The following CD81 variants were observed in gnomAD, a reference collection of about 807,000 sequenced individuals.
The protein encoded by CD81 is CD81 antigen.
CD81 carries 10 observed loss-of-function variants against 30.1 expected under a neutral mutation model. The ratio of observed to expected loss-of-function variants is 0.33; its 90% CI spans 0.21 to 0.56. The LOEUF (loss-of-function observed/expected upper bound fraction) is 0.56, where lower values mean the gene tolerates loss of function less well. Ranked by LOEUF, CD81 falls within the 20% of genes least tolerant of loss-of-function variation. The probability of loss-of-function intolerance (pLI) is 0.89; values close to 1 mark genes in which losing one functional copy is unlikely to be tolerated. For synonymous variants in CD81, 147 were observed against 126.4 expected (o/e 1.16, Z -1.10); for missense variants, 263 against 308.7 (o/e 0.85, Z 1.11).
chr11:2,386,037 C>T (rs375126210), intron 1 of CD81: 11 of 717,068 alleles, frequency 1.5e-5, no homozygotes, highest in Middle Eastern at 2.3e-4. Flanking sequence ...CCGTTGTATG[C>T]GTCCCAGTTG....
intron 3 of CD81, chr11:2,394,764 A>C: frequency 1.6e-6 from 1 of 641,386 alleles, no homozygotes; most frequent in Non-Finnish European, 2.8e-6. Context: ...GCGTGGGGAC[A>C]TCCTGGGCTT....
At chr11:2,385,001 C>T (rs1418026012) in intron 1 of CD81, among the ~76,000 whole-genome samples, 1 of 152,054 alleles carries the variant, frequency 6.6e-6, no homozygotes, top group Non-Finnish European at 1.5e-5. Context: ...CCAGTCCTAA[C>T]TTTGATGGAT....
chr11:2,386,172 A>G, intron 1 of CD81: 1 of 717,148 alleles, frequency 1.4e-6, no homozygotes, highest in Non-Finnish European at 2.6e-6. Flanking sequence ...GCATCTCTTC[A>G]TGTGCTTTTT....
intron 1 of CD81, among the ~76,000 whole-genome samples, chr11:2,388,106 G>A (rs1025158077): frequency 3.3e-5 from 5 of 152,134 alleles, no homozygotes; most frequent in Admixed American, 6.5e-5. Context: ...GAGTGCAGTG[G>A]CACAATCATA....
Position 2,385,584 on chromosome 11 carries a change from G to A in CD81, c.67-4828G>A, listed in dbSNP as rs931281642. The A allele has an allele frequency of 5.3e-5, 14 of 265,326 alleles. 1 individual carries two copies. The highest frequency in any genetic ancestry group is 3.0e-4 in the Admixed American group (6 of 19,792). 16.4% of individuals were successfully genotyped at this position (265,326 alleles called of 1,614,324 possible). The stretch of plus-strand genomic sequence containing the variant: ...TGTGCACCCGTGCTGTGGCGTGCCC[G>A]TCGTCTGTGTGGCATGCCTGTCTGT... On this transcript the variant is annotated intron_variant, in intron 1 of 7. Transcript: ENST00000263645.
rs1849879010 is a variant in CD81 at position 2,390,494 on chromosome 11, G to A, written c.149G>A (p.Gly50Glu). The A allele has an allele frequency of 6.2e-7, 1 of 1,612,862 alleles. No individual in the cohort carries two copies. Among genetic ancestry groups the A allele is most frequent in the Non-Finnish European group, 8.5e-7 (1 of 1,179,978 alleles). Reference protein sequence around the residue: ...QTTNLLYLELGDKPAPNTFYV... With the variant: ...QTTNLLYLELEDKPAPNTFYV... ...ACCAACCTCCTGTATCTGGAGCTGGGAGACAAGCCCGCGCCCAACACCTTC... is the reference window on the plus strand; with the variant it reads ...ACCAACCTCCTGTATCTGGAGCTGGAAGACAAGCCCGCGCCCAACACCTTC... Residue 50 changes from glycine (G) to glutamate (E), a missense_variant, in exon 2 of 8, where the codon GGA becomes GAA. Transcript: ENST00000263645.
intron 1 of CD81, chr11:2,385,846 C>A (rs2133449121): frequency 1.8e-6 from 1 of 551,932 alleles, no homozygotes; most frequent in Non-Finnish European, 3.3e-6. Context: ...GGGGCATTTA[C>A]AAGAAACGTG....
intron 1 of CD81, among the ~76,000 whole-genome samples, chr11:2,385,484 C>T (rs1347959540): frequency 2.0e-5 from 3 of 152,006 alleles, no homozygotes; most frequent in Non-Finnish European, 2.9e-5. Context: ...CCCAGAGGCG[C>T]ACCCGTGCCG....
At chr11:2,383,557 G>T (rs1849736984) in intron 1 of CD81, among the ~76,000 whole-genome samples, 1 of 152,086 alleles carries the variant, frequency 6.6e-6, no homozygotes, top group South Asian at 2.1e-4. Context: ...CCTGGGGAGG[G>T]TGTCTCAGGC....
chr11:2,386,151 G>T (rs1295334916), intron 1 of CD81: 2 of 717,398 alleles, frequency 2.8e-6, no homozygotes, highest in South Asian at 3.0e-5. Context: ...CCTGGTCCCT[G>T]GCAAGGTGGA....
At position 2,377,626 on chromosome 11, in the gene CD81, C is replaced by G. The variant is rs1273204083; in HGVS notation, c.66+11C>G. 2 of 1,521,142 alleles carry G rather than the reference C, an allele frequency of 1.3e-6. No individual in the cohort carries two copies. The highest frequency in any genetic ancestry group is 2.9e-5 in the African/African-American group (2 of 69,280). 94.2% of individuals were successfully genotyped at this position (1,521,142 alleles called of 1,614,324 possible). On this transcript the variant is annotated intron_variant, in intron 1 of 7. Coordinates refer to ENST00000263645, the MANE Select transcript of CD81 (RefSeq NM_004356.4). The surrounding 1 kb of genome is among the most constrained non-coding windows in gnomAD (Gnocchi z 7.7). ...AATTTCGTCTTCTGGGTAAGGGCTG[C>G]GCCGGGGGCCGGGGCGGGAGGGGGC...
chr11:2,381,671 G>T (rs775793827), intron 1 of CD81, among the ~76,000 whole-genome samples: 3 of 152,260 alleles, frequency 2.0e-5, no homozygotes, highest in South Asian at 2.1e-4. Flanking sequence ...TGAGGTTGGG[G>T]TGGGGCTGGG....
At chr11:2,390,975 G>A (rs1473456635) in intron 2 of CD81, 2 of 280,670 alleles carry the variant, frequency 7.1e-6, no homozygotes, top group Non-Finnish European at 1.4e-5. Flanking sequence ...AGACGCCCCA[G>A]AGGCGGTGTG....
intron 4 of CD81, 107 bp downstream of exon 4, chr11:2,395,153 G>A (rs1203625439): frequency 2.1e-6 from 2 of 948,956 alleles, no homozygotes; most frequent in Non-Finnish European, 3.4e-6. Flanking sequence ...AGCTCTTTGG[G>A]CTCTTCCTGG....
intron 1 of CD81, among the ~76,000 whole-genome samples, chr11:2,380,886 C>G (rs1255464883): frequency 6.6e-6 from 1 of 152,248 alleles, no homozygotes; most frequent in East Asian, 1.9e-4. Context: ...CTCCCCCAAG[C>G]TAATGCAGCT....
intron 2 of CD81, chr11:2,393,799 C>T (rs372302573): frequency 7.1e-5 from 44 of 621,502 alleles, no homozygotes; most frequent in East Asian, 3.0e-4. Context: ...CGGGCCCCAC[C>T]GCAGGTGTCA....
chr11:2,396,787 C>G lies in CD81; in HGVS notation c.649-17C>G. The G allele has an allele frequency of 6.2e-7, 1 of 1,612,564 alleles. No individual in the cohort carries two copies. Among genetic ancestry groups the G allele is most frequent in the Non-Finnish European group, 8.5e-7 (1 of 1,179,992 alleles). The stretch of plus-strand genomic sequence containing the variant: ...CGGGGCCTTGTGCTGACTGCGCCCC[C>G]CACCACCCTCCTGCAGATCTTCGAG... On this transcript the variant is annotated splice_polypyrimidine_tract_variant and intron_variant, in intron 7 of 7. Transcript: ENST00000263645.
chr11:2,394,599 C>T (rs1028702219), intron 3 of CD81, among the ~76,000 whole-genome samples: 1 of 152,094 alleles, frequency 6.6e-6, no homozygotes. Context: ...CTCCCCCTTC[C>T]GTGGGGAGCA....
chr11:2,387,458 C>T (rs1012585815), intron 1 of CD81, among the ~76,000 whole-genome samples: 7 of 152,216 alleles, frequency 4.6e-5, no homozygotes, highest in African/African-American at 7.2e-5. Flanking sequence ...CTCTCGGCCT[C>T]GCCACCTCCT....
Sources: allele counts gnomAD v4.1 joint callset (sites outside exome capture counted in the v4.1 genomes callset), GRCh38; gene constraint gnomAD v4.1.1; non-coding constraint Gnocchi (gnomAD v3.1); transcripts MANE v1.5; gene names NCBI Gene and HGNC (gene_info 2026-07-23, HGNC 2026-07-21).